SUPT3H: variants seen among roughly 807,000 people sequenced by gnomAD.
SUPT3H encodes the protein transcription initiation protein SPT3 homolog.
Under a neutral mutation model 44.3 loss-of-function variants are expected in SUPT3H, and 44 were observed. That is an observed-to-expected ratio of 0.99 (90% confidence interval 0.78 to 1.28). The LOEUF (loss-of-function observed/expected upper bound fraction) is 1.28, where lower values mean the gene tolerates loss of function less well. SUPT3H is among the 50% of genes most tolerant of loss of function. The probability of loss-of-function intolerance (pLI) is 0.00; values close to 1 mark genes in which losing one functional copy is unlikely to be tolerated. For synonymous variants in SUPT3H, 124 were observed against 125.6 expected, an observed-to-expected ratio of 0.99 and a Z score of 0.09; for missense variants, 380 against 387.1, an observed-to-expected ratio of 0.98 and a Z score of 0.15.
intron 10 of SUPT3H, among the ~76,000 whole-genome samples, chr6:44,929,895 T>C (rs577359919): frequency 6.6e-6 from 1 of 152,152 alleles, no homozygotes; most frequent in East Asian, 1.9e-4. Context: ...AAAAGGAAGA[T>C]TTATGTATTA....
intron 10 of SUPT3H, among the ~76,000 whole-genome samples, chr6:44,879,459 G>C (rs1302071197): frequency 1.3e-5 from 2 of 152,174 alleles, no homozygotes; most frequent in Non-Finnish European, 2.9e-5. Flanking sequence ...CCATCTTCCT[G>C]GGACAGAGCA....
chr6:44,994,296 T>C (rs1474693997), intron 6 of SUPT3H, among the ~76,000 whole-genome samples: 2 of 152,136 alleles, frequency 1.3e-5, no homozygotes, highest in Admixed American at 6.6e-5. Flanking sequence ...AAAGCATGGA[T>C]GGACGATTTG....
intron 3 of SUPT3H, among the ~76,000 whole-genome samples, chr6:45,060,047 T>A (rs1464796313): frequency 6.6e-6 from 1 of 152,128 alleles, no homozygotes; most frequent in African/African-American, 2.4e-5. Context: ...TTCAATGCTA[T>A]TCCCATTAAA....
At chr6:44,825,037 T>TAAC (rs1349503836), downstream of SUPT3H, among the ~76,000 whole-genome samples, 1 of 152,236 alleles carries the variant, frequency 6.6e-6, no homozygotes, top group East Asian at 1.9e-4. Flanking sequence ...AATTATTTTA[T>TAAC]AACATGGATA....
intron 2 of SUPT3H, among the ~76,000 whole-genome samples, chr6:45,176,122 G>C (rs543230349): frequency 6.6e-6 from 1 of 152,052 alleles, no homozygotes; most frequent in Non-Finnish European, 1.5e-5. Flanking sequence ...CAGCGTGAGC[G>C]ACGCAGAAGA....
At chr6:45,347,837 T>C (rs1030234255) in intron 2 of SUPT3H, among the ~76,000 whole-genome samples, 2 of 152,072 alleles carry the variant, frequency 1.3e-5, no homozygotes, top group Non-Finnish European at 2.9e-5. Context: ...TGTATTCACA[T>C]TGTAATTACT....
chr6:45,133,523 C>A (rs1803810348), intron 2 of SUPT3H, among the ~76,000 whole-genome samples: 1 of 152,124 alleles, frequency 6.6e-6, no homozygotes, highest in Admixed American at 6.6e-5. Context: ...AATCTTCTGC[C>A]ATTTCCCCAA....
At chr6:44,865,178 T>C (rs1775308326) in intron 10 of SUPT3H, among the ~76,000 whole-genome samples, 1 of 152,190 alleles carries the variant, frequency 6.6e-6, no homozygotes, top group African/African-American at 2.4e-5. Context: ...CTCATCTCCA[T>C]CTGAGACCAC....
chr6:45,328,903 C>T, intron 2 of SUPT3H: 1 of 1,035,504 alleles, frequency 9.7e-7, no homozygotes, highest in Non-Finnish European at 1.5e-6. Flanking sequence ...ATTATGCTAT[C>T]TTGTTGCATT....
chr6:45,103,088 T>C (rs1416059267), intron 3 of SUPT3H, among the ~76,000 whole-genome samples: 1 of 152,174 alleles, frequency 6.6e-6, no homozygotes, highest in East Asian at 1.9e-4. Context: ...TATTCCATGG[T>C]AAAAAAGGAC....
Position 45,233,984 on chromosome 6 carries a change from A to G in SUPT3H, c.102-127978T>C, listed in dbSNP as rs566435833. Among the ~76,000 whole-genome samples, 3 of 152,342 alleles carry G rather than the reference A, an allele frequency of 2.0e-5. No individual in the cohort carries two copies. The South Asian group carries it at 6.2e-4, about 32-fold the overall frequency. ...TACTAAAAACAACTAAAATGGATACATTCTCAAATTCTTACTGTCTAAAAA... is the reference window on the plus strand; with the variant it reads ...TACTAAAAACAACTAAAATGGATACGTTCTCAAATTCTTACTGTCTAAAAA... On this transcript the variant is annotated intron_variant, in intron 2 of 10. Coordinates refer to ENST00000371459, the MANE Select transcript of SUPT3H (RefSeq NM_003599.4).
chr6:45,288,849 T>C (rs1387286289), intron 2 of SUPT3H, among the ~76,000 whole-genome samples: 1 of 151,906 alleles, frequency 6.6e-6, no homozygotes, highest in Admixed American at 6.6e-5. Context: ...TTTTTGCCCA[T>C]CCTCTGTCCA....
At chr6:45,020,098 T>C (rs1158565130) in intron 4 of SUPT3H, among the ~76,000 whole-genome samples, 4 of 152,004 alleles carry the variant, frequency 2.6e-5, no homozygotes, top group Admixed American at 2.6e-4. Flanking sequence ...TTTATTAATT[T>C]ACTTTTTTCA....
intron 2 of SUPT3H, among the ~76,000 whole-genome samples, chr6:45,206,214 T>A (rs1388791476): frequency 1.3e-5 from 2 of 152,156 alleles, no homozygotes; most frequent in African/African-American, 4.8e-5. Context: ...AATAAATGAA[T>A]ATGTAAATTA....
At chr6:45,070,739 C>CAG (rs1794241844) in intron 3 of SUPT3H, among the ~76,000 whole-genome samples, 1 of 102,846 alleles carries the variant, frequency 9.7e-6, no homozygotes, top group South Asian at 3.4e-4. Flanking sequence ...CTGTCTCAAA[C>CAG]AAAAAAAAAA....
At chr6:44,997,529 C>T (rs2153502466) in intron 6 of SUPT3H, among the ~76,000 whole-genome samples, 1 of 151,824 alleles carries the variant, frequency 6.6e-6, no homozygotes, top group African/African-American at 2.4e-5. Context: ...CAGTGTCTAT[C>T]TGACTTAATG....
At chr6:44,906,991 G>A (rs1482855482) in intron 10 of SUPT3H, among the ~76,000 whole-genome samples, 1 of 152,218 alleles carries the variant, frequency 6.6e-6, no homozygotes, top group African/African-American at 2.4e-5. Flanking sequence ...CAACCTTCAA[G>A]TGATTAACGT....
chr6:45,224,754 G>T (rs984951769), intron 2 of SUPT3H, among the ~76,000 whole-genome samples: 1 of 151,116 alleles, frequency 6.6e-6, no homozygotes, highest in Non-Finnish European at 1.5e-5. Context: ...CTCTAGCCTG[G>T]GCGAAAGAGT....
At chr6:45,282,617 C>A (rs931039379) in intron 2 of SUPT3H, among the ~76,000 whole-genome samples, 1 of 152,068 alleles carries the variant, frequency 6.6e-6, no homozygotes, top group East Asian at 1.9e-4. Flanking sequence ...GATTGGTGTA[C>A]CTGAAAGTGA....
Sources: allele counts gnomAD v4.1 joint callset (sites outside exome capture counted in the v4.1 genomes callset), GRCh38; gene constraint gnomAD v4.1.1; transcripts MANE v1.5; gene names NCBI Gene and HGNC (gene_info 2026-07-23, HGNC 2026-07-21).